Variants in PTPRG observed in about 807,000 individuals in gnomAD.
The protein encoded by PTPRG is protein tyrosine phosphatase receptor type G, also known as receptor-type tyrosine-protein phosphatase gamma.
A neutral mutation model predicts 165.3 loss-of-function variants in PTPRG; 102 were observed. The ratio of observed to expected loss-of-function variants is 0.62; its 90% confidence interval spans 0.53 to 0.73. PTPRG has a LOEUF of 0.73. PTPRG is among the 30% of genes least tolerant of loss of function. The pLI is 0.00. For missense variants in PTPRG, 1,866 were observed against 1,861.4 expected (o/e 1.00, Z -0.05); for synonymous variants, 675 against 669.5 (o/e 1.01, Z -0.13).
intron 2 of PTPRG, 78 bp downstream of exon 2, chr3:61,749,060 T>G (rs764884846): frequency 8.9e-7 from 1 of 1,129,002 alleles, no homozygotes; most frequent in African/African-American, 1.5e-5. Flanking sequence ...ACACTTTGAA[T>G]CACTTTTATG....
chr3:61,754,393 C>T (rs914762266), intron 2 of PTPRG, among the ~76,000 whole-genome samples: 1 of 152,072 alleles, frequency 6.6e-6, no homozygotes, highest in Non-Finnish European at 1.5e-5. Context: ...TTATATGCCA[C>T]CTCACTACAC....
chr3:62,018,960 A>G (rs1293430004), intron 4 of PTPRG, among the ~76,000 whole-genome samples: 1 of 152,168 alleles, frequency 6.6e-6, no homozygotes, highest in Non-Finnish European at 1.5e-5. Context: ...GTGGGTCTTG[A>G]TGTTTTTGAA....
At chr3:62,124,747 C>T (rs983745288) in intron 5 of PTPRG, 1 of 504,226 alleles carries the variant, frequency 2.0e-6, no homozygotes, top group African/African-American at 1.9e-5. Flanking sequence ...AAATTCTTTT[C>T]TAGAGATGTT....
chr3:62,174,131 A>G (rs1189284091), intron 8 of PTPRG, among the ~76,000 whole-genome samples: 1 of 152,234 alleles, frequency 6.6e-6, no homozygotes, highest in East Asian at 1.9e-4. Flanking sequence ...TCTGCAGCAT[A>G]TCCCGGGTAC....
intron 2 of PTPRG, chr3:61,925,980 C>T (rs1365236528): frequency 8.6e-6 from 4 of 464,124 alleles, no homozygotes; most frequent in Middle Eastern, 4.9e-4. Flanking sequence ...GCAGCACCAG[C>T]GTCACCTGCC....
At chr3:61,730,773 A>T (rs779510475) in intron 1 of PTPRG, among the ~76,000 whole-genome samples, 23 of 152,192 alleles carry the variant, frequency 1.5e-4, no homozygotes, top group Non-Finnish European at 2.5e-4. Flanking sequence ...ACTTCTTAGA[A>T]AGTTTGCTTT....
intron 1 of PTPRG, among the ~76,000 whole-genome samples, chr3:61,653,915 C>A (rs1454181051): frequency 7.0e-6 from 1 of 143,004 alleles, no homozygotes; most frequent in Non-Finnish European, 1.5e-5. Context: ...GCGCGGGGAA[C>A]TGTAAGGGAA....
chr3:62,293,304 GT>G lies in PTPRG; in HGVS notation c.4336del (p.Ter1446AspfsTer11). 1 of 1,566,040 alleles carries G rather than the reference GT, an allele frequency of 6.4e-7. No individual in the cohort carries two copies. Among genetic ancestry groups the G allele is most frequent in the African/African-American group, 1.4e-5 (1 of 72,618 alleles). On this transcript the variant is annotated frameshift_variant and stop_lost, in exon 30 of 30. Transcript: ENST00000474889. LOFTEE classifies it high-confidence loss of function. ...CTGCTGAGAGCATGGAGTCCCTAGT[GT>G]GACTGGAATCCTGAAAGGGCACTTA... Reference protein sequence around the residue: ...DPAESMESLV* With the variant: ...DPAESMESLVX
At chr3:62,056,614 T>C (rs1356712891) in intron 4 of PTPRG, among the ~76,000 whole-genome samples, 13 of 152,182 alleles carry the variant, frequency 8.5e-5, no homozygotes. Context: ...TAAAATAGTA[T>C]TCTTGGCCTA....
At chr3:62,094,523 A>G (rs565031975) in intron 5 of PTPRG, among the ~76,000 whole-genome samples, 2 of 152,106 alleles carry the variant, frequency 1.3e-5, no homozygotes, top group East Asian at 1.9e-4. Context: ...TTGAATACCT[A>G]TGGAATCTCA....
intron 2 of PTPRG, among the ~76,000 whole-genome samples, chr3:61,912,349 A>G (rs919531884): frequency 1.6e-4 from 25 of 152,178 alleles, no homozygotes; most frequent in Admixed American, 1.3e-4. Context: ...AGGAATTTGC[A>G]TAATGAAGAG....
At chr3:61,683,876 A>G (rs1405882383) in intron 1 of PTPRG, among the ~76,000 whole-genome samples, 1 of 152,234 alleles carries the variant, frequency 6.6e-6, no homozygotes, top group African/African-American at 2.4e-5. Context: ...GTTTAATAAT[A>G]GCCTGTATGC....
In PTPRG at chr3:62,294,493, G is replaced by A. The variant is rs551475789; in HGVS notation, c.*1186G>A. 6.6e-6 allele frequency: 1 copy of A among 152,206 alleles called. No individual in the cohort carries two copies. Among genetic ancestry groups the A allele is most frequent in the East Asian group, 1.9e-4 (1 of 5,182 alleles). 9.4% of individuals were successfully genotyped at this position (152,206 alleles called of 1,614,324 possible). A position where few individuals can be genotyped will look rare whatever the true frequency, so the allele number is the denominator to read the frequency against. On this transcript the variant is annotated 3_prime_UTR_variant, in exon 30 of 30. Coordinates refer to ENST00000474889, the MANE Select transcript of PTPRG (RefSeq NM_002841.4). ...TTAAAGGTGATACCCACATTTTCAA[G>A]TTTTTAAAAGAGGGAGATGGCTTTG...
At chr3:61,615,794 A>G (rs1701281194) in intron 1 of PTPRG, among the ~76,000 whole-genome samples, 1 of 152,178 alleles carries the variant, frequency 6.6e-6, no homozygotes, top group Non-Finnish European at 1.5e-5. Context: ...TCCTTTTGAC[A>G]TGTCCCCATC....
At chr3:61,779,298 TA>T (rs1559607421) in intron 2 of PTPRG, among the ~76,000 whole-genome samples, 1 of 152,152 alleles carries the variant, frequency 6.6e-6, no homozygotes, top group Non-Finnish European at 1.5e-5. Flanking sequence ...AAGTGGAAGA[TA>T]TAATGCTATA....
At chr3:62,149,417 G>A (rs928339592) in intron 6 of PTPRG, among the ~76,000 whole-genome samples, 4 of 151,738 alleles carry the variant, frequency 2.6e-5, no homozygotes, top group Non-Finnish European at 5.9e-5. Context: ...GGGACTACAG[G>A]CACACGCCAC....
At chr3:61,973,676 A>G (rs2040434328) in intron 2 of PTPRG, among the ~76,000 whole-genome samples, 2 of 151,940 alleles carry the variant, frequency 1.3e-5, no homozygotes, top group African/African-American at 4.8e-5. Flanking sequence ...TACTAAAAAT[A>G]TGAAAATTAC....
intron 1 of PTPRG, among the ~76,000 whole-genome samples, chr3:61,733,122 G>A (rs1242642568): frequency 6.6e-6 from 1 of 152,160 alleles, no homozygotes; most frequent in Non-Finnish European, 1.5e-5. Context: ...ACCTAGTAGT[G>A]TTCTTGAGAC....
At chr3:61,725,713 T>TC (rs1179380975) in intron 1 of PTPRG, among the ~76,000 whole-genome samples, 5 of 111,024 alleles carry the variant, frequency 4.5e-5, no homozygotes, top group Non-Finnish European at 8.8e-5. Flanking sequence ...CCCCCACCTT[T>TC]TTTTTTTTTT....
Sources: gnomAD v4.1 joint callset for allele counts (sites outside exome capture counted in the v4.1 genomes callset) on GRCh38, gnomAD v4.1.1 for gene constraint, MANE v1.5 for transcripts, NCBI Gene and HGNC (gene_info 2026-07-23, HGNC 2026-07-21) for gene names.